UPRT: variants seen among roughly 807,000 people sequenced by gnomAD.
UPRT encodes the protein uracil phosphoribosyltransferase homolog.
A neutral mutation model predicts 22.6 loss-of-function variants in UPRT; 5 were observed. The observed-to-expected ratio is 0.22, with a 90% confidence interval of 0.12 to 0.47. The LOEUF is 0.47. UPRT is among the 20% of genes least tolerant of loss of function. UPRT has a pLI of 0.99. For synonymous variants in UPRT, 77 were observed against 87.7 expected (o/e 0.88, Z 0.68); for missense variants, 181 against 239.9 (o/e 0.75, Z 1.62).
At chrX:75,248,382 A>G (rs2082514887) in intron 4 of UPRT, among the ~76,000 whole-genome samples, 1 of 112,194 alleles carries the variant, frequency 8.9e-6, no homozygotes, top group African/African-American at 3.2e-5. Flanking sequence ...ATGCAGCTGA[A>G]AACCATGGCA....
chrX:75,184,358 G>A (rs1355762650), intron 4 of UPRT, among the ~76,000 whole-genome samples: 3 of 109,140 alleles, frequency 2.7e-5, no homozygotes, highest in Admixed American at 9.8e-5. Flanking sequence ...ATTTCTGAGG[G>A]CTCTGTTCTG....
intron 1 of UPRT, among the ~76,000 whole-genome samples, chrX:75,281,043 G>C (rs1470627621): frequency 9.1e-6 from 1 of 110,419 alleles, no homozygotes; most frequent in Non-Finnish European, 1.9e-5. Context: ...GTAGAGGGTT[G>C]AGTTCTTGAT....
At position 75,207,029 on chromosome X, in the gene UPRT, G is replaced by A. The variant is rs771183651; in HGVS notation, c.-447+39150G>A. Among the ~76,000 whole-genome samples, 4 of 112,472 alleles carry A rather than the reference G, an allele frequency of 3.6e-5. No homozygotes were observed. The South Asian group carries it at 1.5e-3, about 41-fold the overall frequency. On this transcript the variant is annotated intron_variant, in intron 4 of 13. Coordinates refer to the UPRT transcript ENST00000652605. The stretch of plus-strand genomic sequence containing the variant: ...TTGCTAAAACCTTTTCCTTGGTTAT[G>A]GCATTTGTAGCCTTTTGGTATCCCT...
In UPRT at chrX:75,195,508, A is replaced by G. The variant is rs779239850; in HGVS notation, c.-447+27629A>G. ...ATAGATGCTCTCTCACCAAACCCTCAGAGCTCTGCACCAGCCAGAGTTCTG... is the reference window on the plus strand; with the variant it reads ...ATAGATGCTCTCTCACCAAACCCTCGGAGCTCTGCACCAGCCAGAGTTCTG... On this transcript the variant is annotated intron_variant, in intron 4 of 13. Coordinates refer to the UPRT transcript ENST00000652605. 1.5e-4 allele frequency among the ~76,000 whole-genome samples: 17 copies of G among 112,114 alleles called. No homozygotes were observed. In the South Asian group the frequency reaches 6.0e-3, roughly 40 times the overall value.
intron 4 of UPRT, among the ~76,000 whole-genome samples, chrX:75,252,389 A>G (rs926250830): frequency 8.9e-6 from 1 of 112,294 alleles, no homozygotes; most frequent in Non-Finnish European, 1.9e-5. Context: ...AAGGACATGA[A>G]CAGACACTTC....
chrX:75,274,905 G>C, intron 1 of UPRT: 1 of 347,928 alleles, frequency 2.9e-6, no homozygotes, highest in Non-Finnish European at 4.9e-6. Flanking sequence ...GTAGCCTCTG[G>C]GCTCTTTGTC....
At chrX:75,296,258 C>G in intron 2 of UPRT, 84 bp from the exon 3 acceptor site, 1 of 962,565 alleles carries the variant, frequency 1.0e-6, no homozygotes, top group Non-Finnish European at 1.5e-6. Flanking sequence ...GTTCATGACT[C>G]TGCCTACTGT....
intron 4 of UPRT, among the ~76,000 whole-genome samples, chrX:75,170,403 G>A (rs1309927557): frequency 3.6e-5 from 4 of 111,391 alleles, no homozygotes; most frequent in African/African-American, 1.3e-4. Context: ...ACTCCAGCTC[G>A]CTTTTGGTGT....
intron 4 of UPRT, among the ~76,000 whole-genome samples, chrX:75,246,376 T>C (rs939339282): frequency 9.3e-6 from 1 of 108,102 alleles, no homozygotes; most frequent in Non-Finnish European, 1.9e-5. Context: ...GTCCTTGTGA[T>C]AGTTTGCTGA....
At chrX:75,254,254 G>C (rs1245014591) in intron 4 of UPRT, among the ~76,000 whole-genome samples, 1 of 111,687 alleles carries the variant, frequency 9.0e-6, no homozygotes, top group Non-Finnish European at 1.9e-5. Context: ...ACCAGAGAAA[G>C]ATGAAGCTCA....
chrX:75,188,727 G>A (rs1287741501), intron 4 of UPRT, among the ~76,000 whole-genome samples: 1 of 112,616 alleles, frequency 8.9e-6, no homozygotes, highest in Non-Finnish European at 1.9e-5. Flanking sequence ...ATCTCCTGGT[G>A]CCCCGTTTTT....
intron 4 of UPRT, among the ~76,000 whole-genome samples, chrX:75,187,550 C>A (rs747242807): frequency 9.0e-6 from 1 of 111,250 alleles, no homozygotes; most frequent in East Asian, 2.8e-4. Context: ...TCTGTATTTC[C>A]TGAATCTGAA....
chrX:75,156,382 G>A (rs2082179202), upstream of UPRT: 1 of 890,192 alleles, frequency 1.1e-6, no homozygotes, highest in Non-Finnish European at 1.6e-6. Context: ...GCCCCAGACC[G>A]GAAATGGATT....
intron 4 of UPRT, among the ~76,000 whole-genome samples, chrX:75,178,910 C>A (rs1022162073): frequency 8.9e-6 from 1 of 111,867 alleles, no homozygotes; most frequent in African/African-American, 3.3e-5. Context: ...TCTTATCTGG[C>A]CTCACCTACA....
chrX:75,200,767 G>A (rs181508006), intron 4 of UPRT, among the ~76,000 whole-genome samples: 30 of 110,928 alleles, frequency 2.7e-4, no homozygotes, highest in African/African-American at 9.5e-4. Flanking sequence ...GTGAGTTCCT[G>A]TCTCTACAAT....
intron 1 of UPRT, among the ~76,000 whole-genome samples, chrX:75,288,444 G>A (rs1237952629): frequency 8.9e-6 from 1 of 112,050 alleles, no homozygotes; most frequent in Non-Finnish European, 1.9e-5. Context: ...CAAAATACTA[G>A]CGAAACAAAT....
upstream of UPRT, among the ~76,000 whole-genome samples, chrX:75,269,567 A>G (rs938663243): frequency 1.8e-5 from 2 of 111,843 alleles, no homozygotes; most frequent in Admixed American, 1.9e-4. Flanking sequence ...ATACAGTCCA[A>G]TGGAACAGAA....
intron 4 of UPRT, among the ~76,000 whole-genome samples, chrX:75,207,006 G>A (rs1055034613): frequency 3.6e-5 from 4 of 112,414 alleles, no homozygotes; most frequent in African/African-American, 1.3e-4. Context: ...TGCCAAATTT[G>A]CTAAAACCTT....
upstream of UPRT, among the ~76,000 whole-genome samples, chrX:75,273,560 G>C (rs2082618819): frequency 9.0e-6 from 1 of 111,258 alleles, no homozygotes; most frequent in South Asian, 3.8e-4. Context: ...TAGTGGATCT[G>C]AAATGCCGCC....
Sources: gnomAD v4.1 joint callset for allele counts (sites outside exome capture counted in the v4.1 genomes callset) on GRCh38, gnomAD v4.1.1 for gene constraint, MANE v1.5 for transcripts, NCBI Gene and HGNC (gene_info 2026-07-23, HGNC 2026-07-21) for gene names.